Variants in SHISA9 observed in about 807,000 individuals in gnomAD.
SHISA9 encodes the protein shisa family member 9.
Under a neutral mutation model 38.0 loss-of-function variants are expected in SHISA9, and 13 were observed. The ratio of observed to expected loss-of-function variants is 0.34; its 90% CI spans 0.22 to 0.54. The LOEUF is 0.54. SHISA9 is among the 20% of genes least tolerant of loss of function. The pLI, the probability that SHISA9 is intolerant of heterozygous loss-of-function variation, is 0.91. For synonymous variants in SHISA9, 275 were observed against 242.0 expected (o/e 1.14, Z -1.27); for missense variants, 538 against 575.8 (o/e 0.93, Z 0.67).
the SHISA9 span, among the ~76,000 whole-genome samples, chr16:13,507,066 C>G: frequency 6.6e-6 from 1 of 151,552 alleles, no homozygotes; most frequent in Non-Finnish European, 1.5e-5. Flanking sequence ...CAACAACCAC[C>G]ATGTATATAT....
chr16:13,160,207 G>A (rs577503448), intron 2 of SHISA9, among the ~76,000 whole-genome samples: 13 of 152,206 alleles, frequency 8.5e-5, no homozygotes, highest in African/African-American at 2.4e-4. Flanking sequence ...GGCGTGAGCT[G>A]GTGTGTTCTG....
chr16:13,439,836 G>C, the SHISA9 span, among the ~76,000 whole-genome samples: 1 of 152,154 alleles, frequency 6.6e-6, no homozygotes, highest in Non-Finnish European at 1.5e-5. Flanking sequence ...GAGCCATAGA[G>C]GGAAATAAAA....
At chr16:12,908,877 C>T (rs908155910) in intron 1 of SHISA9, 3 of 1,076,306 alleles carry the variant, frequency 2.8e-6, no homozygotes, top group Non-Finnish European at 3.4e-6. Context: ...ATTTTGTCCA[C>T]CTTCAAACAG....
chr16:13,071,798 C>T (rs1040781562), intron 2 of SHISA9, among the ~76,000 whole-genome samples: 6 of 151,938 alleles, frequency 3.9e-5, no homozygotes, highest in East Asian at 1.9e-4. Context: ...CCACCATGCC[C>T]GGCTTTTATT....
chr16:13,474,863 A>G, the SHISA9 span, among the ~76,000 whole-genome samples: 1 of 152,176 alleles, frequency 6.6e-6, no homozygotes, highest in East Asian at 1.9e-4. Context: ...TGGTGAGTTG[A>G]AGGAACAGCA....
chr16:13,197,658 G>A (rs1190283171), intron 2 of SHISA9: 1 of 152,194 alleles, frequency 6.6e-6, no homozygotes, highest in Non-Finnish European at 1.5e-5. Flanking sequence ...CCAAGGGTCT[G>A]CATGGAAAAA....
At position 13,101,111 on chromosome 16, in the gene SHISA9, G is replaced by A. The variant is rs190805094; in HGVS notation, c.692-102283G>A. Among the ~76,000 whole-genome samples the A allele has an allele frequency of 1.4e-4, 21 of 152,252 alleles. No individual in the cohort carries two copies. The East Asian group carries it at 2.9e-3, about 21-fold the overall frequency. The stretch of plus-strand genomic sequence containing the variant: ...TTTCAGGTGTGTCTATGTTTCCGGG[G>A]CTGTGGGGAGAGGGAAGTGGGGAGA... On this transcript the variant is annotated intron_variant, in intron 2 of 4. Coordinates refer to ENST00000558583, the MANE Select transcript of SHISA9 (RefSeq NM_001145204.3).
chr16:13,298,831 T>C, the SHISA9 span, among the ~76,000 whole-genome samples: 11 of 152,180 alleles, frequency 7.2e-5, no homozygotes, highest in Non-Finnish European at 1.6e-4. Context: ...CATGCTGAGA[T>C]CTGGCCTAAT....
the SHISA9 span, among the ~76,000 whole-genome samples, chr16:13,557,858 A>G: frequency 6.6e-5 from 10 of 152,074 alleles, no homozygotes; most frequent in Non-Finnish European, 1.3e-4. Context: ...CAGCCACCGC[A>G]GCCTCAGGCA....
intron 2 of SHISA9, among the ~76,000 whole-genome samples, chr16:13,129,986 C>T (rs1337535376): frequency 2.0e-5 from 3 of 152,182 alleles, no homozygotes; most frequent in Non-Finnish European, 2.9e-5. Context: ...AAACATTCTT[C>T]GCCATTAGTA....
the SHISA9 span, among the ~76,000 whole-genome samples, chr16:13,530,897 A>C: frequency 6.6e-6 from 1 of 152,198 alleles, no homozygotes; most frequent in Non-Finnish European, 1.5e-5. Context: ...CGCTTGCTAG[A>C]GACTTCTGGG....
At chr16:13,073,876 G>C (rs943397235) in intron 2 of SHISA9, among the ~76,000 whole-genome samples, 1 of 151,922 alleles carries the variant, frequency 6.6e-6, no homozygotes, top group Non-Finnish European at 1.5e-5. Flanking sequence ...CCTGCAGCGC[G>C]TCCAGAAGAA....
intron 2 of SHISA9, among the ~76,000 whole-genome samples, chr16:12,970,712 C>T (rs1035283821): frequency 4.0e-5 from 6 of 150,004 alleles, no homozygotes; most frequent in African/African-American, 7.4e-5. Context: ...TTAGTACAGA[C>T]GGGGTTTCAC....
At chr16:12,917,126 G>A (rs2071269172) in intron 2 of SHISA9, among the ~76,000 whole-genome samples, 1 of 152,114 alleles carries the variant, frequency 6.6e-6, no homozygotes, top group African/African-American at 2.4e-5. Flanking sequence ...GTTTCATCAT[G>A]GTTGGATACT....
chr16:13,064,300 T>A (rs2073409068), intron 2 of SHISA9, among the ~76,000 whole-genome samples: 1 of 152,178 alleles, frequency 6.6e-6, no homozygotes, highest in South Asian at 2.1e-4. Flanking sequence ...TTATAGATCC[T>A]GGAGATACCA....
chr16:13,453,462 T>A, the SHISA9 span, among the ~76,000 whole-genome samples: 1 of 152,222 alleles, frequency 6.6e-6, no homozygotes, highest in Admixed American at 6.5e-5. Flanking sequence ...GCCTTCTCAA[T>A]GCAACTGGCT....
chr16:13,486,320 A>C, the SHISA9 span, among the ~76,000 whole-genome samples: 2 of 152,212 alleles, frequency 1.3e-5, no homozygotes, highest in Non-Finnish European at 2.9e-5. Flanking sequence ...AGAGATTTTC[A>C]TGAGAGCACT....
At chr16:13,342,270 T>C in the SHISA9 span, among the ~76,000 whole-genome samples, 1 of 152,198 alleles carries the variant, frequency 6.6e-6, no homozygotes, top group African/African-American at 2.4e-5. Context: ...TACTGAACAC[T>C]GTCCTATGTA....
chr16:13,014,874 T>C (rs1368582172), intron 2 of SHISA9, among the ~76,000 whole-genome samples: 1 of 152,262 alleles, frequency 6.6e-6, no homozygotes, highest in East Asian at 1.9e-4. Context: ...ATTGCCATAT[T>C]CCTTTTCACC....
Sources: allele counts gnomAD v4.1 joint callset (sites outside exome capture counted in the v4.1 genomes callset), GRCh38; gene constraint gnomAD v4.1.1; transcripts MANE v1.5; gene names NCBI Gene and HGNC (gene_info 2026-07-23, HGNC 2026-07-21).